Variants in GALNTL6 observed in about 807,000 individuals in gnomAD.
GALNTL6 encodes polypeptide N-acetylgalactosaminyltransferase-like 6.
A neutral mutation model predicts 73.7 loss-of-function variants in GALNTL6; 46 were observed. That is an observed-to-expected ratio of 0.62 (90% CI 0.49 to 0.80). GALNTL6 has a LOEUF of 0.80. Among genes scored for constraint, GALNTL6 ranks in the 30% least tolerant of loss-of-function variants. The pLI, the probability that GALNTL6 is intolerant of heterozygous loss-of-function variation, is 0.00. For missense variants in GALNTL6, 604 were observed against 755.0 expected (o/e 0.80, Z 2.34); for synonymous variants, 259 against 263.7 (o/e 0.98, Z 0.17).
At chr4:172,081,631 C>T (rs1579119203) in intron 2 of GALNTL6, among the ~76,000 whole-genome samples, 1 of 152,014 alleles carries the variant, frequency 6.6e-6, no homozygotes, top group African/African-American at 2.4e-5. Context: ...AGCAAGACTC[C>T]GTTTCAAAAA....
chr4:172,229,106 C>A (rs940933947), intron 2 of GALNTL6, among the ~76,000 whole-genome samples: 4 of 152,158 alleles, frequency 2.6e-5, no homozygotes, highest in African/African-American at 9.7e-5. Context: ...ATTTGATCCT[C>A]AGTTTACTCG....
chr4:172,085,112 A>G (rs1731991975), intron 2 of GALNTL6, among the ~76,000 whole-genome samples: 1 of 152,156 alleles, frequency 6.6e-6, no homozygotes, highest in Admixed American at 6.6e-5. Context: ...AAAAAATCTA[A>G]ATATATAGTA....
intron 7 of GALNTL6, among the ~76,000 whole-genome samples, chr4:172,830,315 C>T (rs1579538040): frequency 6.6e-6 from 1 of 151,874 alleles, no homozygotes. Flanking sequence ...TAGAAAGATT[C>T]TATTTTTAAA....
chr4:172,058,189 G>T (rs539759372), intron 2 of GALNTL6, among the ~76,000 whole-genome samples: 1 of 150,460 alleles, frequency 6.6e-6, no homozygotes, highest in African/African-American at 2.4e-5. Context: ...TCAAACTCCT[G>T]GGCTCAAGTG....
At chr4:171,860,436 G>A (rs1208729406) in intron 2 of GALNTL6, among the ~76,000 whole-genome samples, 1 of 152,098 alleles carries the variant, frequency 6.6e-6, no homozygotes, top group Non-Finnish European at 1.5e-5. Context: ...AATATATATT[G>A]TCATGGCTTT....
At chr4:172,420,831 G>C (rs1731028589) in intron 5 of GALNTL6, among the ~76,000 whole-genome samples, 1 of 151,908 alleles carries the variant, frequency 6.6e-6, no homozygotes, top group East Asian at 1.9e-4. Flanking sequence ...ATACGATGCA[G>C]CCAAAAAAAA....
At chr4:172,946,358 G>A (rs551529182) in intron 9 of GALNTL6, among the ~76,000 whole-genome samples, 60 of 152,248 alleles carry the variant, frequency 3.9e-4, no homozygotes, top group African/African-American at 1.3e-3. Context: ...ACTGAACAGG[G>A]ATTGAATAGT....
chr4:172,599,263 A>G (rs891495712), intron 5 of GALNTL6, among the ~76,000 whole-genome samples: 2 of 152,080 alleles, frequency 1.3e-5, no homozygotes, highest in Admixed American at 6.6e-5. Flanking sequence ...TCCTCTATAA[A>G]GGCTTATAGA....
chr4:173,020,063 C>G (rs913277039), intron 11 of GALNTL6, among the ~76,000 whole-genome samples: 1 of 152,322 alleles, frequency 6.6e-6, no homozygotes, highest in East Asian at 1.9e-4. Context: ...GCCAGCCTGC[C>G]GTAAGTCCTA....
intron 5 of GALNTL6, among the ~76,000 whole-genome samples, chr4:172,393,187 T>A (rs1252901540): frequency 6.6e-6 from 1 of 152,160 alleles, no homozygotes; most frequent in Non-Finnish European, 1.5e-5. Flanking sequence ...CTGCTATATA[T>A]GAACACAGCA....
intron 2 of GALNTL6, among the ~76,000 whole-genome samples, chr4:171,896,524 G>C (rs539006744): frequency 5.3e-5 from 8 of 152,200 alleles, no homozygotes; most frequent in Non-Finnish European, 7.3e-5. Context: ...TGGAGCCTAG[G>C]AAGTTCCAGT....
At chr4:172,926,685 A>T (rs1480864287) in intron 8 of GALNTL6, among the ~76,000 whole-genome samples, 1 of 152,204 alleles carries the variant, frequency 6.6e-6, no homozygotes, top group Non-Finnish European at 1.5e-5. Context: ...TGCAGATGAT[A>T]AGAAAGTTTC....
At chr4:172,626,945 A>G (rs1016147040) in intron 5 of GALNTL6, among the ~76,000 whole-genome samples, 1 of 152,072 alleles carries the variant, frequency 6.6e-6, no homozygotes, top group African/African-American at 2.4e-5. Context: ...CAGTGAAGAG[A>G]GACAACTTGA....
intron 2 of GALNTL6, among the ~76,000 whole-genome samples, chr4:172,153,607 T>C (rs987366720): frequency 6.6e-6 from 1 of 152,224 alleles, no homozygotes; most frequent in Admixed American, 6.5e-5. Context: ...TTTAGAATGA[T>C]GTGTTTACTC....
intron 2 of GALNTL6, among the ~76,000 whole-genome samples, chr4:171,922,830 C>A (rs1052744528): frequency 6.6e-6 from 1 of 151,924 alleles, no homozygotes; most frequent in Non-Finnish European, 1.5e-5. Flanking sequence ...TTAATATAGA[C>A]CTCCTTTTAA....
intron 5 of GALNTL6, among the ~76,000 whole-genome samples, chr4:172,611,644 T>TAAC (rs925592343): frequency 1.3e-5 from 2 of 152,072 alleles, no homozygotes; most frequent in African/African-American, 4.8e-5. Flanking sequence ...GATGACTATG[T>TAAC]ATCCTGAGGC....
At chr4:172,542,886 T>C (rs1735615991) in intron 5 of GALNTL6, among the ~76,000 whole-genome samples, 1 of 151,718 alleles carries the variant, frequency 6.6e-6, no homozygotes, top group Non-Finnish European at 1.5e-5. Flanking sequence ...AGGTCATGAG[T>C]TAGAGACCAG....
rs78228717 is a variant in GALNTL6, at chr4:172,979,059, G to A, written c.1371+26801G>A. Among the ~76,000 whole-genome samples, 15 of 152,320 alleles carry A rather than the reference G, an allele frequency of 9.8e-5. No individual in the cohort carries two copies. The East Asian group carries it at 2.5e-3, about 25-fold the overall frequency. ...GTCTGGTACATGACGAGTAATCAACGTAAGTCACCTGTTAGTTTTGGCAGT... is the reference window on the plus strand; with the variant it reads ...GTCTGGTACATGACGAGTAATCAACATAAGTCACCTGTTAGTTTTGGCAGT... On this transcript the variant is annotated intron_variant, in intron 10 of 12. Coordinates refer to ENST00000506823, the MANE Select transcript of GALNTL6 (RefSeq NM_001034845.3).
intron 2 of GALNTL6, among the ~76,000 whole-genome samples, chr4:172,064,366 T>C (rs1312881604): frequency 6.6e-6 from 1 of 152,222 alleles, no homozygotes. Context: ...AAAGTTAATG[T>C]CTGAATAGTG....
Sources: allele counts gnomAD v4.1 joint callset (sites outside exome capture counted in the v4.1 genomes callset), GRCh38; gene constraint gnomAD v4.1.1; transcripts MANE v1.5; gene names NCBI Gene and HGNC (gene_info 2026-07-23, HGNC 2026-07-21).